The following PAPPA variants were observed in gnomAD, a reference collection of about 807,000 sequenced individuals.
PAPPA encodes pappalysin 1, also known as pappalysin-1.
A neutral mutation model predicts 164.0 loss-of-function variants in PAPPA; 60 were observed. That is an observed-to-expected ratio of 0.37 (90% confidence interval 0.30 to 0.45). The LOEUF (loss-of-function observed/expected upper bound fraction) is 0.45. PAPPA is among the 20% of genes least tolerant of loss of function. PAPPA has a pLI of 1.00. For missense variants in PAPPA, 1,782 were observed against 2,087.3 expected, an observed-to-expected ratio of 0.85 and a Z score of 2.85; for synonymous variants, 875 against 814.1, an observed-to-expected ratio of 1.07 and a Z score of -1.27.
At chr9:116,379,135 G>A (rs183992465) in intron 20 of PAPPA, among the ~76,000 whole-genome samples, 251 of 152,330 alleles carry the variant, frequency 1.6e-3, no homozygotes, top group Non-Finnish European at 2.5e-3. Context: ...GGACTCAGCA[G>A]TGAGACCCAA....
At chr9:116,217,290 A>G (rs1037988006) in intron 4 of PAPPA, among the ~76,000 whole-genome samples, 6 of 152,160 alleles carry the variant, frequency 3.9e-5, no homozygotes, top group African/African-American at 1.4e-4. Flanking sequence ...AATTCTCACA[A>G]CTTCATGGTT....
At chr9:116,263,396 C>A (rs745474637) in intron 7 of PAPPA, among the ~76,000 whole-genome samples, 1 of 152,164 alleles carries the variant, frequency 6.6e-6, no homozygotes, top group Non-Finnish European at 1.5e-5. Context: ...AAGATATTTT[C>A]ATCAAGCCAC....
intron 1 of PAPPA, among the ~76,000 whole-genome samples, chr9:116,157,260 C>T (rs1376572019): frequency 4.6e-5 from 7 of 152,150 alleles, no homozygotes; most frequent in Admixed American, 4.6e-4. Context: ...ATTTCTGCCC[C>T]GGTTCAAACT....
intron 7 of PAPPA, among the ~76,000 whole-genome samples, chr9:116,237,760 C>T (rs919318039): frequency 1.3e-5 from 2 of 151,696 alleles, no homozygotes; most frequent in Non-Finnish European, 2.9e-5. Context: ...TGCACTCTTG[C>T]CCAGGTTGGA....
At chr9:116,344,738 C>T (rs1050399359) in intron 14 of PAPPA, 27 bp downstream of exon 14, 4 of 1,597,376 alleles carry the variant, frequency 2.5e-6, no homozygotes, top group Admixed American at 1.7e-5. Flanking sequence ...AGCTCAGAGC[C>T]TCTCTGCAGC....
At chr9:116,188,266 T>C (rs953797517) in intron 2 of PAPPA, 50 bp downstream of exon 2, 1 of 1,390,596 alleles carries the variant, frequency 7.2e-7, no homozygotes, top group African/African-American at 1.4e-5. Flanking sequence ...GAACTTGATG[T>C]CCTCCATATT....
intron 7 of PAPPA, among the ~76,000 whole-genome samples, chr9:116,258,147 C>T (rs1241428786): frequency 6.6e-6 from 1 of 151,952 alleles, no homozygotes; most frequent in Non-Finnish European, 1.5e-5. Context: ...ATAAAAATGC[C>T]CTTTCTCCTC....
At chr9:116,328,277 GTC>G (rs1845945312) in intron 10 of PAPPA, among the ~76,000 whole-genome samples, 3 of 152,188 alleles carry the variant, frequency 2.0e-5, no homozygotes, top group Non-Finnish European at 4.4e-5. Flanking sequence ...TTTATGCAAA[GTC>G]TTGCGCTGTT....
At chr9:116,373,676 T>G in intron 19 of PAPPA, 1 of 152,124 alleles carries the variant, frequency 6.6e-6, no homozygotes, top group South Asian at 2.1e-4. Context: ...CCTCTCCACC[T>G]TTCTGAACTT....
chr9:116,352,301 G>T (rs1465258621), intron 15 of PAPPA, among the ~76,000 whole-genome samples: 1 of 152,236 alleles, frequency 6.6e-6, no homozygotes, highest in Non-Finnish European at 1.5e-5. Context: ...ACTGATATCA[G>T]AATTTGCTGT....
At chr9:116,199,836 G>A (rs1844150994) in intron 2 of PAPPA, among the ~76,000 whole-genome samples, 1 of 152,108 alleles carries the variant, frequency 6.6e-6, no homozygotes, top group Non-Finnish European at 1.5e-5. Context: ...TGCTTGGAAG[G>A]GGAAGAGGAG....
intron 1 of PAPPA, among the ~76,000 whole-genome samples, chr9:116,168,941 C>T (rs1428857180): frequency 1.3e-5 from 2 of 152,136 alleles, no homozygotes; most frequent in African/African-American, 4.8e-5. Context: ...CCTTTTACTT[C>T]GCACAATACT....
rs549201642 is a variant in PAPPA, at chr9:116,258,378, T to C, written c.2733-7479T>C. Reference sequence around the variant, plus strand: ...TAGATAAAAAATAGACCAATGAGGCTGGGTGGCATGGCTCATGCCTGTAAT... The same window carrying C: ...TAGATAAAAAATAGACCAATGAGGCCGGGTGGCATGGCTCATGCCTGTAAT... On this transcript the variant is annotated intron_variant, in intron 7 of 21. Transcript: ENST00000328252. 8.5e-5 allele frequency among the ~76,000 whole-genome samples: 13 copies of C among 152,154 alleles called. No individual in the cohort carries two copies. In the South Asian group the frequency reaches 2.3e-3, roughly 27 times the overall value.
intron 16 of PAPPA, among the ~76,000 whole-genome samples, chr9:116,353,293 A>C (rs1287864082): frequency 6.6e-6 from 1 of 152,214 alleles, no homozygotes; most frequent in Non-Finnish European, 1.5e-5. Context: ...GTAGTTGTTC[A>C]GTAAATGGTG....
intron 9 of PAPPA, among the ~76,000 whole-genome samples, chr9:116,295,352 G>A (rs540203111): frequency 5.3e-5 from 8 of 152,026 alleles, no homozygotes; most frequent in South Asian, 2.1e-4. Flanking sequence ...TTAAGAGTTC[G>A]AGACCAGCCT....
intron 2 of PAPPA, among the ~76,000 whole-genome samples, chr9:116,206,301 G>C (rs1008191010): frequency 1.3e-5 from 2 of 152,124 alleles, no homozygotes; most frequent in African/African-American, 4.8e-5. Context: ...GTTTGGTTTC[G>C]TGAGCTTGGG....
intron 5 of PAPPA, among the ~76,000 whole-genome samples, chr9:116,221,717 G>A (rs996511239): frequency 8.0e-5 from 12 of 150,850 alleles, no homozygotes; most frequent in African/African-American, 1.7e-4. Context: ...ACTGCCCCCC[G>A]CAAGGCAAAA....
intron 1 of PAPPA, among the ~76,000 whole-genome samples, chr9:116,158,953 G>A (rs1843633479): frequency 6.6e-6 from 1 of 152,200 alleles, no homozygotes; most frequent in Non-Finnish European, 1.5e-5. Flanking sequence ...GGAGAGAGAA[G>A]AAATTATTCA....
intron 13 of PAPPA, among the ~76,000 whole-genome samples, chr9:116,337,301 T>C (rs1846073673): frequency 6.6e-6 from 1 of 152,112 alleles, no homozygotes; most frequent in Admixed American, 6.5e-5. Flanking sequence ...CAGGAGCACC[T>C]CCTCCTGAGT....
Sources: gnomAD v4.1 joint callset for allele counts (sites outside exome capture counted in the v4.1 genomes callset) on GRCh38, gnomAD v4.1.1 for gene constraint, MANE v1.5 for transcripts, NCBI Gene and HGNC (gene_info 2026-07-23, HGNC 2026-07-21) for gene names.